KALRN: variants seen among roughly 807,000 people sequenced by gnomAD.
KALRN encodes kalirin RhoGEF kinase.
A neutral mutation model predicts 353.7 loss-of-function variants in KALRN; 70 were observed. The ratio of observed to expected loss-of-function variants is 0.20; its 90% CI spans 0.16 to 0.24. KALRN has a LOEUF of 0.24. Ranked by LOEUF, KALRN falls within the 10% of genes least tolerant of loss-of-function variation. The pLI is 1.00. For missense variants in KALRN, 2,791 were observed against 3,756.7 expected (o/e 0.74, Z 6.72); for synonymous variants, 1,391 against 1,434.8 (o/e 0.97, Z 0.69).
intron 3 of KALRN, among the ~76,000 whole-genome samples, chr3:124,254,081 G>A (rs907242963): frequency 6.6e-6 from 1 of 152,160 alleles, no homozygotes; most frequent in Non-Finnish European, 1.5e-5. Context: ...GAGCACAGTG[G>A]AAACCATGAG....
intron 6 of KALRN, among the ~76,000 whole-genome samples, chr3:124,308,983 C>G (rs952802631): frequency 1.3e-5 from 2 of 151,578 alleles, no homozygotes; most frequent in Non-Finnish European, 2.9e-5. Context: ...ACTTACCTTA[C>G]GAGAAAATAG....
At chr3:124,664,334 AGTGTGTGTGTGTGTGT>A (rs750940277) in intron 45 of KALRN, among the ~76,000 whole-genome samples, 4 of 126,790 alleles carry the variant, frequency 3.2e-5, no homozygotes, top group East Asian at 2.7e-4. Context: ...TGTACATGTG[AGTGTGTGTGTGTGTGT>A]GTGTGTGTGT....
intron 3 of KALRN, among the ~76,000 whole-genome samples, chr3:124,258,111 G>A (rs56682046): frequency 0.098 from 14,933 of 152,196 alleles, 833 homozygotes; most frequent in African/African-American, 0.15. Flanking sequence ...GAGCAGCTGC[G>A]GGAGTTGGTT....
At chr3:124,217,197 C>T (rs57129528) in intron 1 of KALRN, among the ~76,000 whole-genome samples, 9,171 of 152,240 alleles carry the variant, frequency 0.06, 939 homozygotes, top group African/African-American at 0.21. Context: ...GTCAGGACCT[C>T]TATATTGTTT....
intron 33 of KALRN, among the ~76,000 whole-genome samples, chr3:124,525,176 C>T (rs2067482412): frequency 6.6e-6 from 1 of 152,150 alleles, no homozygotes; most frequent in South Asian, 2.1e-4. Flanking sequence ...TACAGCCAGG[C>T]CTACCATGGG....
Position 124,562,929 on chromosome 3 carries a change from G to A in KALRN, c.5022G>A (p.Thr1674=), listed in dbSNP as rs556326990. Residue 1674 remains threonine, a synonymous_variant, in exon 34 of 60, where the codon ACG becomes ACA. Transcript: ENST00000682506. ...AGCTGACCATCCAGGTGGGGCAGAC[G>A]GTAGAGCTGCTGGAGCGGCCCAGCG... The part of the protein sequence containing the change: ...SSELTIQVGQ[T]VELLERPSER... 48 of 1,367,908 alleles carry A rather than the reference G, an allele frequency of 3.5e-5. No homozygotes were observed. Among genetic ancestry groups the A allele is most frequent in the Admixed American group, 3.0e-4 (16 of 52,594 alleles). 84.7% of individuals were successfully genotyped at this position (1,367,908 alleles called of 1,614,324 possible).
At chr3:124,484,822 G>A (rs1298285968) in intron 28 of KALRN, among the ~76,000 whole-genome samples, 1 of 152,194 alleles carries the variant, frequency 6.6e-6, no homozygotes, top group Non-Finnish European at 1.5e-5. Flanking sequence ...TATTTTTCAT[G>A]GTCGGGCATG....
intron 34 of KALRN, among the ~76,000 whole-genome samples, chr3:124,618,208 C>T (rs1459888283): frequency 6.8e-6 from 1 of 146,136 alleles, no homozygotes; most frequent in Admixed American, 7.1e-5. Flanking sequence ...TCCCGGGGTT[C>T]ATGCCCTTCT....
chr3:124,166,219 T>C (rs2070826543), intron 1 of KALRN, among the ~76,000 whole-genome samples: 1 of 152,206 alleles, frequency 6.6e-6, no homozygotes, highest in Non-Finnish European at 1.5e-5. Flanking sequence ...TATTGTTGTT[T>C]TGTACACATG....
At chr3:124,062,387 C>G (rs1221574872) in intron 1 of KALRN, among the ~76,000 whole-genome samples, 1 of 152,216 alleles carries the variant, frequency 6.6e-6, no homozygotes, top group Non-Finnish European at 1.5e-5. Flanking sequence ...TGGGCATTTA[C>G]ACATTTTTAG....
chr3:124,668,321 T>C (rs944015944), intron 47 of KALRN, among the ~76,000 whole-genome samples: 3 of 152,168 alleles, frequency 2.0e-5, no homozygotes, highest in Admixed American at 6.5e-5. Context: ...AAGGGAAAGA[T>C]AAAAGGTGCC....
At chr3:124,661,816 TC>T (rs1228931670) in intron 44 of KALRN, 34 bp from the exon 45 acceptor site, 1 of 1,556,848 alleles carries the variant, frequency 6.4e-7, no homozygotes, top group Non-Finnish European at 8.9e-7. Context: ...TGAGTGCTGT[TC>T]CCCCTCCTGA....
At chr3:124,325,738 A>G (rs1378229897) in intron 6 of KALRN, among the ~76,000 whole-genome samples, 2 of 152,232 alleles carry the variant, frequency 1.3e-5, no homozygotes, top group East Asian at 1.9e-4. Context: ...ATTAAAGTGC[A>G]TTAATAGTTG....
chr3:124,682,718 G>T (rs1198855587), intron 51 of KALRN, among the ~76,000 whole-genome samples: 1 of 152,096 alleles, frequency 6.6e-6, no homozygotes, highest in Admixed American at 6.5e-5. Context: ...ATATACAGGC[G>T]CATCCTTGAA....
At chr3:124,494,127 A>G (rs998614439) in intron 32 of KALRN, among the ~76,000 whole-genome samples, 3 of 152,208 alleles carry the variant, frequency 2.0e-5, no homozygotes, top group Non-Finnish European at 4.4e-5. Context: ...GGAGAGTTTG[A>G]GCATTTCCAG....
intron 1 of KALRN, chr3:124,152,117 T>G: frequency 7.8e-7 from 1 of 1,279,672 alleles, no homozygotes; most frequent in South Asian, 1.2e-5. Flanking sequence ...TTTTCCAACA[T>G]TATAGATCTC....
intron 43 of KALRN, 40 bp from the exon 44 acceptor site, chr3:124,660,883 A>G (rs1381814684): frequency 7.0e-6 from 10 of 1,426,036 alleles, no homozygotes; most frequent in Middle Eastern, 3.5e-4. Flanking sequence ...TACTAATTTT[A>G]CCCCTTCCCA....
At chr3:124,666,411 T>C in intron 45 of KALRN, 38 bp from the exon 46 acceptor site, 1 of 1,601,968 alleles carries the variant, frequency 6.2e-7, no homozygotes, top group Non-Finnish European at 8.5e-7. Context: ...TCGCTCCCCA[T>C]TTTTCATTCA....
intron 1 of KALRN, among the ~76,000 whole-genome samples, chr3:124,103,035 C>T (rs1033566246): frequency 3.3e-5 from 5 of 152,278 alleles, no homozygotes; most frequent in East Asian, 1.9e-4. Flanking sequence ...TCCAGGACCC[C>T]GGACTCCTGT....
Sources: gnomAD v4.1 joint callset for allele counts (sites outside exome capture counted in the v4.1 genomes callset) on GRCh38, gnomAD v4.1.1 for gene constraint, MANE v1.5 for transcripts, NCBI Gene and HGNC (gene_info 2026-07-23, HGNC 2026-07-21) for gene names.